SLC16A7: variants seen among roughly 807,000 people sequenced by gnomAD.
SLC16A7 encodes monocarboxylate transporter 2.
SLC16A7 carries 33 observed loss-of-function variants against 34.9 expected under a neutral mutation model. That is an observed-to-expected ratio of 0.94 (90% CI 0.72 to 1.26). The LOEUF is 1.26. SLC16A7 is among the 50% of genes most tolerant of loss of function. SLC16A7 has a pLI of 0.00. For missense variants in SLC16A7, 573 were observed against 578.1 expected (o/e 0.99, Z 0.09); for synonymous variants, 201 against 206.6 (o/e 0.97, Z 0.23).
intron 1 of SLC16A7, among the ~76,000 whole-genome samples, chr12:59,614,553 G>T (rs1008458007): frequency 6.6e-6 from 1 of 151,842 alleles, no homozygotes; most frequent in African/African-American, 2.4e-5. Context: ...TATAGCTGCC[G>T]TAATTTGAAT....
intron 1 of SLC16A7, among the ~76,000 whole-genome samples, chr12:59,653,063 A>G (rs1003792195): frequency 6.6e-6 from 1 of 151,888 alleles, no homozygotes; most frequent in Non-Finnish European, 1.5e-5. Flanking sequence ...ATTAGCCCAC[A>G]AACATATAAC....
At chr12:59,752,363 T>A (rs989545088) in intron 3 of SLC16A7, among the ~76,000 whole-genome samples, 4 of 151,868 alleles carry the variant, frequency 2.6e-5, no homozygotes, top group Non-Finnish European at 4.4e-5. Flanking sequence ...TTGAAAAAAA[T>A]TTAGACGAAT....
intron 1 of SLC16A7, among the ~76,000 whole-genome samples, chr12:59,647,438 C>A (rs1211220215): frequency 6.6e-6 from 1 of 152,156 alleles, no homozygotes; most frequent in Non-Finnish European, 1.5e-5. Flanking sequence ...TCCCCTTCCA[C>A]CATGATTGTA....
intron 1 of SLC16A7, among the ~76,000 whole-genome samples, chr12:59,640,457 C>A (rs966261541): frequency 6.6e-6 from 1 of 151,890 alleles, no homozygotes; most frequent in Non-Finnish European, 1.5e-5. Flanking sequence ...TTTAGAATTT[C>A]ACTTTTCCAA....
chr12:59,609,375 A>G (rs1458930695), intron 1 of SLC16A7, among the ~76,000 whole-genome samples: 1 of 152,242 alleles, frequency 6.6e-6, no homozygotes, highest in Non-Finnish European at 1.5e-5. Flanking sequence ...GAGTTCAGTT[A>G]ATGAAAACTC....
intron 3 of SLC16A7, among the ~76,000 whole-genome samples, chr12:59,726,271 A>G (rs1019167262): frequency 2.6e-5 from 4 of 152,202 alleles, no homozygotes; most frequent in Middle Eastern, 3.2e-3. Context: ...TCTTGGGAAT[A>G]TAAAGAATGG....
At chr12:59,620,742 T>C (rs1879662202) in intron 1 of SLC16A7, among the ~76,000 whole-genome samples, 1 of 151,888 alleles carries the variant, frequency 6.6e-6, no homozygotes, top group South Asian at 2.1e-4. Flanking sequence ...AGAAATCAAA[T>C]GTACGATAAG....
At chr12:59,658,173 G>A (rs1292810307) in intron 2 of SLC16A7, among the ~76,000 whole-genome samples, 1 of 152,000 alleles carries the variant, frequency 6.6e-6, no homozygotes, top group Non-Finnish European at 1.5e-5. Flanking sequence ...GTGTGTTTTA[G>A]TAAAATGAGA....
At chr12:59,630,903 A>G (rs1880153364) in intron 1 of SLC16A7, among the ~76,000 whole-genome samples, 1 of 151,922 alleles carries the variant, frequency 6.6e-6, no homozygotes, top group Non-Finnish European at 1.5e-5. Flanking sequence ...CATAAAATAC[A>G]TTAGATTTGT....
intron 5 of SLC16A7, among the ~76,000 whole-genome samples, chr12:59,776,737 G>A (rs1022999683): frequency 2.0e-5 from 3 of 151,874 alleles, no homozygotes; most frequent in African/African-American, 7.3e-5. Flanking sequence ...AGACCTAGGT[G>A]GTGTGGTTGT....
chr12:59,681,040 T>G (rs765169360), intron 2 of SLC16A7, among the ~76,000 whole-genome samples: 2 of 152,182 alleles, frequency 1.3e-5, no homozygotes, highest in Non-Finnish European at 2.9e-5. Context: ...CCTCTAGTGC[T>G]TCCAAAGTAA....
rs1592602730 is a variant in SLC16A7, at chr12:59,735,094, T to C, written c.217+30076T>C. On this transcript the variant is annotated intron_variant, in intron 3 of 5. Coordinates refer to ENST00000547379, the MANE Select transcript of SLC16A7 (RefSeq NM_001270623.2). Reference sequence around the variant, plus strand: ...AATTTTGAATATTCCCTTTGTGCTTTGTGATTTAGGTGCTGAACGGCTAAG... The same window carrying C: ...AATTTTGAATATTCCCTTTGTGCTTCGTGATTTAGGTGCTGAACGGCTAAG... 3.3e-5 allele frequency among the ~76,000 whole-genome samples: 5 copies of C among 152,332 alleles called. 1 individual carries two copies. The highest frequency in any genetic ancestry group is 3.3e-4 in the Admixed American group (5 of 15,302).
intron 3 of SLC16A7, among the ~76,000 whole-genome samples, chr12:59,720,611 C>T (rs533299406): frequency 1.3e-5 from 2 of 152,162 alleles, no homozygotes; most frequent in South Asian, 4.1e-4. Context: ...GCTATCATCA[C>T]CATTATCATC....
intron 2 of SLC16A7, among the ~76,000 whole-genome samples, chr12:59,698,806 G>A (rs532795055): frequency 6.6e-6 from 1 of 151,728 alleles, no homozygotes; most frequent in Non-Finnish European, 1.5e-5. Flanking sequence ...GGAGGATATT[G>A]TGTAAGAAAA....
chr12:59,751,809 G>C (rs1879607014), intron 3 of SLC16A7, among the ~76,000 whole-genome samples: 1 of 152,200 alleles, frequency 6.6e-6, no homozygotes, highest in South Asian at 2.1e-4. Flanking sequence ...CTCCTCAAGT[G>C]GGTCCCTGAC....
intron 1 of SLC16A7, among the ~76,000 whole-genome samples, chr12:59,625,176 T>C (rs987659238): frequency 6.6e-6 from 1 of 151,768 alleles, no homozygotes; most frequent in Non-Finnish European, 1.5e-5. Context: ...ATTTGAAATA[T>C]GGAGGAGTTT....
chr12:59,777,405 T>C (rs1174394685), intron 5 of SLC16A7, among the ~76,000 whole-genome samples: 1 of 152,238 alleles, frequency 6.6e-6, no homozygotes, highest in East Asian at 1.9e-4. Context: ...TTTGAATGAT[T>C]GAATATTATT....
intron 3 of SLC16A7, among the ~76,000 whole-genome samples, chr12:59,755,744 TG>T (rs1348379940): frequency 1.3e-5 from 2 of 152,188 alleles, no homozygotes; most frequent in Admixed American, 1.3e-4. Context: ...TTCACAGAAT[TG>T]GAAAAAGCTA....
At chr12:59,679,563 C>G (rs532253809) in intron 2 of SLC16A7, among the ~76,000 whole-genome samples, 4 of 152,292 alleles carry the variant, frequency 2.6e-5, no homozygotes, top group South Asian at 2.1e-4. Flanking sequence ...TTATTCTCCT[C>G]TTAGCCCCTT....
Sources: gnomAD v4.1 joint callset for allele counts (sites outside exome capture counted in the v4.1 genomes callset) on GRCh38, gnomAD v4.1.1 for gene constraint, MANE v1.5 for transcripts, NCBI Gene and HGNC (gene_info 2026-07-23, HGNC 2026-07-21) for gene names.